KCNU1: variants seen among roughly 807,000 people sequenced by gnomAD.
The protein encoded by KCNU1 is potassium channel subfamily U member 1.
In KCNU1, 93 loss-of-function variants were observed where a neutral mutation model predicts 126.8. The ratio of observed to expected loss-of-function variants is 0.73; its 90% confidence interval spans 0.62 to 0.87. The LOEUF is 0.87. KCNU1 is among the 40% of genes least tolerant of loss of function. KCNU1 has a pLI of 0.00. For missense variants in KCNU1, 1,330 were observed against 1,367.1 expected, an observed-to-expected ratio of 0.97 and a Z score of 0.43; for synonymous variants, 523 against 494.2, an observed-to-expected ratio of 1.06 and a Z score of -0.77.
chr8:36,897,689 C>T (rs1167894356), intron 19 of KCNU1, among the ~76,000 whole-genome samples: 2 of 152,034 alleles, frequency 1.3e-5, no homozygotes, highest in Non-Finnish European at 2.9e-5. Context: ...GGCTATCTCA[C>T]CCTGCACTTC....
chr8:36,910,885 T>A (rs768537020), intron 21 of KCNU1, 45 bp from the exon 22 acceptor site: 1 of 1,368,838 alleles, frequency 7.3e-7, no homozygotes, highest in Admixed American at 1.8e-5. Flanking sequence ...TGATATAACA[T>A]CCCTCCATCC....
chr8:36,859,546 T>C lies in KCNU1; in HGVS notation c.1892-4858T>C, dbSNP rs1805653748. ...CATGTTAGCTTTTGGGTTCTCAGTG[T>C]AATCATCTCCAAAGAGGGGAATTCT... On this transcript the variant is annotated intron_variant, in intron 18 of 26. Coordinates refer to ENST00000399881, the MANE Select transcript of KCNU1 (RefSeq NM_001031836.3). Among the ~76,000 whole-genome samples the C allele has an allele frequency of 2.0e-5, 3 of 152,318 alleles. No homozygotes were observed. In the South Asian group the frequency reaches 6.2e-4, roughly 32 times the overall value.
chr8:36,883,621 A>C (rs76121820), intron 19 of KCNU1, among the ~76,000 whole-genome samples: 2 of 151,894 alleles, frequency 1.3e-5, no homozygotes, highest in African/African-American at 4.8e-5. Context: ...CTGTCTCTAC[A>C]AAAAAAGAAA....
At chr8:36,817,548 T>C (rs193108356) in intron 9 of KCNU1, 102 bp from the exon 10 acceptor site, 1 of 604,792 alleles carries the variant, frequency 1.7e-6, no homozygotes, top group East Asian at 2.9e-5. Flanking sequence ...AAATACCATA[T>C]TTATTGGAAA....
intron 2 of KCNU1, among the ~76,000 whole-genome samples, chr8:36,800,686 GA>G (rs1803270978): frequency 6.6e-6 from 1 of 152,170 alleles, no homozygotes; most frequent in South Asian, 2.1e-4. Context: ...CCAACCCAAT[GA>G]AAAATGTACA....
chr8:36,828,137 G>A (rs932159012), intron 10 of KCNU1, among the ~76,000 whole-genome samples: 1 of 151,968 alleles, frequency 6.6e-6, no homozygotes. Flanking sequence ...CCCTACCCCA[G>A]TGTTTAAAAC....
intron 19 of KCNU1, among the ~76,000 whole-genome samples, chr8:36,905,494 C>A (rs1310423856): frequency 6.6e-6 from 1 of 151,406 alleles, no homozygotes. Context: ...TGGCTTTTGC[C>A]CAAAATGCTT....
chr8:36,834,125 C>T (rs1056348004), intron 11 of KCNU1, among the ~76,000 whole-genome samples: 1 of 151,998 alleles, frequency 6.6e-6, no homozygotes, highest in Non-Finnish European at 1.5e-5. Flanking sequence ...AGTTGTGACG[C>T]AAAATAATGA....
chr8:36,822,237 T>C (rs754722694), intron 10 of KCNU1, among the ~76,000 whole-genome samples: 4 of 152,156 alleles, frequency 2.6e-5, no homozygotes, highest in Non-Finnish European at 5.9e-5. Context: ...CATCTATGTA[T>C]GTATATATGT....
At chr8:36,827,501 T>C (rs1008758536) in intron 10 of KCNU1, among the ~76,000 whole-genome samples, 3 of 152,162 alleles carry the variant, frequency 2.0e-5, no homozygotes, top group Non-Finnish European at 2.9e-5. Flanking sequence ...TCCCGAGTTA[T>C]TGATTTCTCT....
At chr8:36,928,803 C>T (rs1034879791) in intron 24 of KCNU1, 1 of 514,496 alleles carries the variant, frequency 1.9e-6, no homozygotes, top group African/African-American at 2.0e-5. Flanking sequence ...ACATCATCTT[C>T]AGGAAGTATT....
At chr8:36,831,201 T>A (rs1355706702) in intron 10 of KCNU1, among the ~76,000 whole-genome samples, 1 of 151,956 alleles carries the variant, frequency 6.6e-6, no homozygotes, top group Non-Finnish European at 1.5e-5. Context: ...CTATTGTGAA[T>A]AATGCCGCAA....
At chr8:36,790,738 G>C (rs1247429118) in intron 2 of KCNU1, among the ~76,000 whole-genome samples, 3 of 152,016 alleles carry the variant, frequency 2.0e-5, no homozygotes, top group Non-Finnish European at 4.4e-5. Context: ...AGACTTGGAT[G>C]ATTTCAAGGA....
chr8:36,896,103 TA>T (rs1241890319), intron 19 of KCNU1, among the ~76,000 whole-genome samples: 2 of 132,324 alleles, frequency 1.5e-5, no homozygotes, highest in Non-Finnish European at 3.5e-5. Flanking sequence ...AAAAATCCCT[TA>T]AAAATTATTT....
chr8:36,913,864 G>A (rs1483448603), intron 22 of KCNU1, among the ~76,000 whole-genome samples: 1 of 152,014 alleles, frequency 6.6e-6, no homozygotes, highest in Non-Finnish European at 1.5e-5. Context: ...GCCTCCCAAA[G>A]TGCTGGGATT....
At chr8:36,894,540 T>C (rs1478488747) in intron 19 of KCNU1, among the ~76,000 whole-genome samples, 1 of 152,112 alleles carries the variant, frequency 6.6e-6, no homozygotes, top group Non-Finnish European at 1.5e-5. Flanking sequence ...AGAAGCAATA[T>C]CAATATCACT....
At chr8:36,792,994 C>T (rs1006591524) in intron 2 of KCNU1, among the ~76,000 whole-genome samples, 4 of 152,036 alleles carry the variant, frequency 2.6e-5, no homozygotes, top group African/African-American at 9.7e-5. Flanking sequence ...CCAAATGTGG[C>T]ACATATACAT....
rs1805112395 is a variant in KCNU1, at chr8:36,845,576, C to T, written c.1704-4C>T. On this transcript the variant is annotated splice_polypyrimidine_tract_variant and splice_region_variant and intron_variant, in intron 16 of 26. Coordinates refer to ENST00000399881, the MANE Select transcript of KCNU1 (RefSeq NM_001031836.3). ...ATTACCATGTGTTTATTTTTTGTTT[C>T]CAGTGGTCTGATACTAAATCCACCT... 2 of 1,572,768 alleles carry T rather than the reference C, an allele frequency of 1.3e-6. No individual in the cohort carries two copies. The highest frequency in any genetic ancestry group is 1.7e-6 in the Non-Finnish European group (2 of 1,146,320).
intron 18 of KCNU1, among the ~76,000 whole-genome samples, chr8:36,859,290 T>C (rs1190845404): frequency 1.3e-5 from 2 of 152,212 alleles, no homozygotes; most frequent in Admixed American, 1.3e-4. Context: ...AATGACAACA[T>C]AGAAACCTTA....
Sources: allele counts gnomAD v4.1 joint callset (sites outside exome capture counted in the v4.1 genomes callset), GRCh38; gene constraint gnomAD v4.1.1; transcripts MANE v1.5; gene names NCBI Gene and HGNC (gene_info 2026-07-23, HGNC 2026-07-21).